The following KIAA1217 variants were observed in gnomAD, a reference collection of about 807,000 sequenced individuals.
The protein encoded by KIAA1217 is sickle tail protein homolog.
A neutral mutation model predicts 163.9 loss-of-function variants in KIAA1217; 88 were observed. The observed-to-expected ratio is 0.54, with a 90% CI of 0.45 to 0.64. KIAA1217 has a LOEUF of 0.64. Among genes scored for constraint, KIAA1217 ranks in the 30% least tolerant of loss-of-function variants. KIAA1217 has a pLI of 0.00. For synonymous variants in KIAA1217, 903 were observed against 923.1 expected, an observed-to-expected ratio of 0.98 and a Z score of 0.39; for missense variants, 2,372 against 2,475.0, an observed-to-expected ratio of 0.96 and a Z score of 0.88.
At chr10:23,824,324 A>G (rs1837766106) in intron 1 of KIAA1217, among the ~76,000 whole-genome samples, 1 of 151,754 alleles carries the variant, frequency 6.6e-6, no homozygotes, top group African/African-American at 2.4e-5. Context: ...TATAAAGGCT[A>G]AGAAAGATAC....
chr10:23,878,816 G>A (rs1343152655), intron 1 of KIAA1217, among the ~76,000 whole-genome samples: 1 of 151,870 alleles, frequency 6.6e-6, no homozygotes, highest in Non-Finnish European at 1.5e-5. Context: ...AACTATTTTG[G>A]AGGTAGAAAT....
intron 9 of KIAA1217, among the ~76,000 whole-genome samples, chr10:24,512,526 G>A (rs2069351213): frequency 6.6e-6 from 1 of 152,158 alleles, no homozygotes; most frequent in Non-Finnish European, 1.5e-5. Context: ...TCTCGGAACT[G>A]TTTGGAAATT....
chr10:24,304,840 G>A (rs1179345543), intron 2 of KIAA1217, among the ~76,000 whole-genome samples: 1 of 152,144 alleles, frequency 6.6e-6, no homozygotes, highest in Non-Finnish European at 1.5e-5. Context: ...TGGCTGCATA[G>A]GACCTGGGAA....
intron 2 of KIAA1217, among the ~76,000 whole-genome samples, chr10:24,018,037 TA>T (rs1847566847): frequency 6.6e-6 from 1 of 152,126 alleles, no homozygotes. Context: ...GATCCGAGTT[TA>T]AAGTGGCCTC....
At chr10:23,939,612 A>T (rs1220258957) in intron 1 of KIAA1217, among the ~76,000 whole-genome samples, 1 of 151,986 alleles carries the variant, frequency 6.6e-6, no homozygotes, top group African/African-American at 2.4e-5. Flanking sequence ...ACATGTTTAT[A>T]TGCACCTAAT....
chr10:24,045,412 C>G lies in KIAA1217; in HGVS notation c.-171+38038C>G, dbSNP rs1397425269. On this transcript the variant is annotated intron_variant, in intron 2 of 18. Coordinates refer to the KIAA1217 transcript ENST00000376462. ...TTCGGTTCTGAGTATTCTTTCCTAT[C>G]AATTCTTTGATAATTTCTTTCTCCG... is the stretch of plus-strand genomic sequence containing the variant. 2.0e-5 allele frequency among the ~76,000 whole-genome samples: 3 copies of G among 152,042 alleles called. No individual in the cohort carries two copies. The East Asian group carries it at 5.8e-4, about 29-fold the overall frequency.
At chr10:24,181,527 G>C (rs957050041) in intron 2 of KIAA1217, among the ~76,000 whole-genome samples, 1 of 152,108 alleles carries the variant, frequency 6.6e-6, no homozygotes, top group Non-Finnish European at 1.5e-5. Context: ...TTGAGGCCAT[G>C]ATAAGGAGTT....
At chr10:24,149,618 TG>T (rs1214240195) in intron 2 of KIAA1217, among the ~76,000 whole-genome samples, 2 of 151,896 alleles carry the variant, frequency 1.3e-5, no homozygotes, top group Non-Finnish European at 2.9e-5. Flanking sequence ...AAACTAAAAA[TG>T]GGAGAAGGAT....
intron 2 of KIAA1217, among the ~76,000 whole-genome samples, chr10:24,236,809 G>A (rs965560607): frequency 6.6e-6 from 1 of 151,700 alleles, no homozygotes; most frequent in Non-Finnish European, 1.5e-5. Flanking sequence ...ACACCAGCAC[G>A]CCGGGCTAAT....
intron 2 of KIAA1217, among the ~76,000 whole-genome samples, chr10:24,036,356 AG>A (rs1264665406): frequency 2.6e-5 from 4 of 152,124 alleles, no homozygotes; most frequent in African/African-American, 9.7e-5. Flanking sequence ...ATATGTGGGG[AG>A]GGGGTCAGGG....
intron 1 of KIAA1217, among the ~76,000 whole-genome samples, chr10:23,706,847 A>G (rs1185769119): frequency 6.6e-6 from 1 of 152,124 alleles, no homozygotes. Flanking sequence ...TCTAGGGCTG[A>G]TAGTGAGTTC....
At chr10:24,344,177 A>G (rs1831824358) in intron 2 of KIAA1217, among the ~76,000 whole-genome samples, 2 of 152,242 alleles carry the variant, frequency 1.3e-5, no homozygotes, top group African/African-American at 2.4e-5. Context: ...AAGATTGAAT[A>G]TAAACAAAAT....
intron 1 of KIAA1217, among the ~76,000 whole-genome samples, chr10:23,802,074 G>C (rs1358794227): frequency 1.3e-5 from 2 of 152,204 alleles, no homozygotes; most frequent in African/African-American, 2.4e-5. Flanking sequence ...GGACTTGAGA[G>C]ACTGCAGATG....
chr10:24,545,771 G>T (rs1413644706), intron 20 of KIAA1217, 56 bp from the exon 21 acceptor site: 78 of 1,540,916 alleles, frequency 5.1e-5, no homozygotes, highest in Non-Finnish European at 6.6e-5. Context: ...AGGCCCTGTG[G>T]GTTGATCATG....
chr10:23,899,815 G>A (rs916219038), intron 1 of KIAA1217, among the ~76,000 whole-genome samples: 1 of 152,032 alleles, frequency 6.6e-6, no homozygotes, highest in African/African-American at 2.4e-5. Flanking sequence ...ACACGATAAA[G>A]TCTCATAAAA....
At chr10:24,461,781 T>C (rs1443585098) in intron 5 of KIAA1217, among the ~76,000 whole-genome samples, 1 of 152,260 alleles carries the variant, frequency 6.6e-6, no homozygotes. Context: ...CCTAAAGTTA[T>C]ATAATGCTCT....
intron 6 of KIAA1217, among the ~76,000 whole-genome samples, chr10:24,492,078 G>A (rs2066226801): frequency 6.6e-6 from 1 of 152,208 alleles, no homozygotes; most frequent in African/African-American, 2.4e-5. Context: ...TAGAGTCCCT[G>A]TGGGACGAAT....
chr10:24,307,450 C>T (rs182614313), intron 2 of KIAA1217, among the ~76,000 whole-genome samples: 5 of 152,224 alleles, frequency 3.3e-5, no homozygotes, highest in African/African-American at 1.2e-4. Context: ...CTTCTTGACC[C>T]TTCACTCCCT....
chr10:23,747,960 T>C (rs1279265910), intron 1 of KIAA1217, among the ~76,000 whole-genome samples: 1 of 152,196 alleles, frequency 6.6e-6, no homozygotes, highest in Non-Finnish European at 1.5e-5. Flanking sequence ...GCGCTACACC[T>C]GGATTCCCTG....
Sources: gnomAD v4.1 joint callset for allele counts (sites outside exome capture counted in the v4.1 genomes callset) on GRCh38, gnomAD v4.1.1 for gene constraint, MANE v1.5 for transcripts, NCBI Gene and HGNC (gene_info 2026-07-23, HGNC 2026-07-21) for gene names.